The following PTPRN2 variants were observed in gnomAD, a reference collection of about 807,000 sequenced individuals.
PTPRN2 encodes the protein receptor-type tyrosine-protein phosphatase N2.
A neutral mutation model predicts 118.8 loss-of-function variants in PTPRN2; 74 were observed. The ratio of observed to expected loss-of-function variants is 0.62; its 90% CI spans 0.52 to 0.76. The LOEUF is 0.76. Among genes scored for constraint, PTPRN2 ranks in the 30% least tolerant of loss-of-function variants. The pLI, the probability that PTPRN2 is intolerant of heterozygous loss-of-function variation, is 0.00. For missense variants in PTPRN2, 1,481 were observed against 1,394.4 expected (o/e 1.06, Z -0.99); for synonymous variants, 641 against 608.0 (o/e 1.05, Z -0.80).
At chr7:158,136,804 G>T in intron 7 of PTPRN2, 109 bp from the exon 8 acceptor site, 1 of 1,009,126 alleles carries the variant, frequency 9.9e-7, no homozygotes, top group Non-Finnish European at 1.5e-6. Context: ...AAGGTGAGGT[G>T]TGATGACGCT....
chr7:158,071,598 C>G (rs370335191), intron 11 of PTPRN2, among the ~76,000 whole-genome samples: 279 of 7,048 alleles, frequency 0.04, 3 homozygotes, highest in Middle Eastern at 0.17. Context: ...GGAGGTGCTC[C>G]TGGTGGAGGT....
chr7:158,434,122 T>C (rs1816414147), intron 2 of PTPRN2, among the ~76,000 whole-genome samples: 1 of 152,218 alleles, frequency 6.6e-6, no homozygotes. Context: ...TAATAGATGG[T>C]CATTTTCAAT....
intron 2 of PTPRN2, among the ~76,000 whole-genome samples, chr7:158,467,661 G>A (rs1819491264): frequency 6.6e-6 from 1 of 152,178 alleles, no homozygotes; most frequent in Admixed American, 6.5e-5. Context: ...TCTTTTGAGT[G>A]TGGATGTCCA....
intron 15 of PTPRN2, chr7:157,613,942 G>A: frequency 2.2e-6 from 1 of 453,780 alleles, no homozygotes; most frequent in Admixed American, 2.4e-5. Context: ...ACATGGCCAG[G>A]GGCGACCCTC....
intron 1 of PTPRN2, among the ~76,000 whole-genome samples, chr7:158,515,493 A>T (rs1202893232): frequency 6.6e-6 from 1 of 152,088 alleles, no homozygotes; most frequent in Non-Finnish European, 1.5e-5. Flanking sequence ...AGCCGTGCGA[A>T]TGTAATTTTT....
intron 11 of PTPRN2, among the ~76,000 whole-genome samples, chr7:157,954,605 TG>T (rs1446201446): frequency 2.0e-5 from 3 of 151,684 alleles, no homozygotes; most frequent in African/African-American, 7.3e-5. Context: ...TGTGTGTGTG[TG>T]GTGTGGGTTG....
chr7:158,011,631 T>A (rs1806055866), intron 11 of PTPRN2, among the ~76,000 whole-genome samples: 1 of 152,122 alleles, frequency 6.6e-6, no homozygotes, highest in African/African-American at 2.4e-5. Flanking sequence ...AAAGTGAAAA[T>A]GAAAGTAGGA....
chr7:158,586,814 C>T (rs1226090144), intron 1 of PTPRN2, among the ~76,000 whole-genome samples: 1 of 152,202 alleles, frequency 6.6e-6, no homozygotes, highest in East Asian at 1.9e-4. Flanking sequence ...AGGCCCGGCC[C>T]CTCGCGGCAC....
intron 1 of PTPRN2, among the ~76,000 whole-genome samples, chr7:158,547,948 C>T (rs570989905): frequency 3.3e-5 from 5 of 152,220 alleles, no homozygotes; most frequent in Non-Finnish European, 5.9e-5. Context: ...CCAGGCACGA[C>T]CTTGCCCATG....
At chr7:158,381,216 G>A (rs1810945705) in intron 2 of PTPRN2, among the ~76,000 whole-genome samples, 1 of 152,182 alleles carries the variant, frequency 6.6e-6, no homozygotes, top group African/African-American at 2.4e-5. Flanking sequence ...CAGAAATTGG[G>A]ATTTTATTTT....
At position 157,688,178 on chromosome 7, in the gene PTPRN2, A is replaced by T. The variant is rs201930474; in HGVS notation, c.1789-5241T>A. Among the ~76,000 whole-genome samples, 13 of 152,380 alleles carry T rather than the reference A, an allele frequency of 8.5e-5. No individual in the cohort carries two copies. In the East Asian group the frequency reaches 2.3e-3, roughly 27 times the overall value. On this transcript the variant is annotated intron_variant, in intron 12 of 22. Coordinates refer to ENST00000389418, the MANE Select transcript of PTPRN2 (RefSeq NM_002847.5). ...CTTTAATGAAAATAAGTTGGGATATACTGTTTTAAAATGGGCTATTTGTTG... is the reference window on the plus strand; with the variant it reads ...CTTTAATGAAAATAAGTTGGGATATTCTGTTTTAAAATGGGCTATTTGTTG...
intron 11 of PTPRN2, among the ~76,000 whole-genome samples, chr7:158,000,392 G>A (rs1585175584): frequency 6.6e-6 from 1 of 152,076 alleles, no homozygotes; most frequent in East Asian, 2.0e-4. Context: ...TCAGGCCAGA[G>A]GGTTCTCAGC....
At chr7:157,698,701 G>T (rs1054180654) in intron 12 of PTPRN2, among the ~76,000 whole-genome samples, 2 of 152,136 alleles carry the variant, frequency 1.3e-5, no homozygotes, top group African/African-American at 4.8e-5. Flanking sequence ...GGTGAATCCG[G>T]TTTTCACTGT....
chr7:157,789,655 ATGTG>A (rs1343867583), intron 12 of PTPRN2, among the ~76,000 whole-genome samples: 397 of 113,874 alleles, frequency 3.5e-3, no homozygotes, highest in African/African-American at 0.013. Flanking sequence ...TGGGTGTGAT[ATGTG>A]TGTGTGGTAT....
chr7:158,360,714 T>A (rs1465268784), intron 2 of PTPRN2, among the ~76,000 whole-genome samples: 1 of 2,868 alleles, frequency 3.5e-4, no homozygotes, highest in Non-Finnish European at 6.1e-4. Context: ...ACATCCACCC[T>A]CACCCAGGAC....
At chr7:157,656,255 C>T in intron 14 of PTPRN2, 102 bp downstream of exon 14, 1 of 1,247,766 alleles carries the variant, frequency 8.0e-7, no homozygotes, top group South Asian at 1.5e-5. Context: ...CCATCATCGC[C>T]CAGTCCCCGA....
At chr7:158,301,976 G>A (rs1357137157) in intron 3 of PTPRN2, among the ~76,000 whole-genome samples, 1 of 152,162 alleles carries the variant, frequency 6.6e-6, no homozygotes, top group Non-Finnish European at 1.5e-5. Context: ...TGTCCCATGA[G>A]ATGGTATGAC....
intron 10 of PTPRN2, among the ~76,000 whole-genome samples, chr7:158,095,265 G>A (rs1479624866): frequency 6.7e-6 from 1 of 150,058 alleles, no homozygotes; most frequent in Non-Finnish European, 1.5e-5. Context: ...CGCCAAGCAG[G>A]GTATCTAGTA....
At chr7:157,888,196 G>A (rs573964651) in intron 12 of PTPRN2, among the ~76,000 whole-genome samples, 13 of 152,150 alleles carry the variant, frequency 8.5e-5, no homozygotes, top group Middle Eastern at 3.4e-3. Flanking sequence ...GGGACAAGCC[G>A]TAGCATGAGA....
Sources: gnomAD v4.1 joint callset for allele counts (sites outside exome capture counted in the v4.1 genomes callset) on GRCh38, gnomAD v4.1.1 for gene constraint, MANE v1.5 for transcripts, NCBI Gene and HGNC (gene_info 2026-07-23, HGNC 2026-07-21) for gene names.